Variants in PTPRD observed in about 807,000 individuals in gnomAD.
PTPRD encodes the protein protein tyrosine phosphatase receptor type D, also known as receptor-type tyrosine-protein phosphatase delta.
PTPRD carries 34 observed loss-of-function variants against 214.5 expected under a neutral mutation model. The observed-to-expected ratio is 0.16, with a 90% CI of 0.12 to 0.21. The LOEUF is 0.21. PTPRD is among the 10% of genes least tolerant of loss of function. The pLI is 1.00. For synonymous variants in PTPRD, 1,128 were observed against 845.7 expected, an observed-to-expected ratio of 1.33 and a Z score of -5.79; for missense variants, 2,545 against 2,398.7, an observed-to-expected ratio of 1.06 and a Z score of -1.27.
chr9:9,887,470 T>G (rs1488662181), intron 5 of PTPRD, among the ~76,000 whole-genome samples: 1 of 152,148 alleles, frequency 6.6e-6, no homozygotes, highest in East Asian at 1.9e-4. Context: ...GCATAATACT[T>G]GTGTAGGACC....
At chr9:9,664,137 T>C (rs1312045424) in intron 7 of PTPRD, among the ~76,000 whole-genome samples, 1 of 146,072 alleles carries the variant, frequency 6.8e-6, no homozygotes, top group Non-Finnish European at 1.5e-5. Flanking sequence ...GAAGAAGAGC[T>C]ATGAGTTACA....
intron 35 of PTPRD, among the ~76,000 whole-genome samples, chr9:8,429,053 T>C (rs2094878125): frequency 1.3e-5 from 2 of 152,210 alleles, no homozygotes; most frequent in East Asian, 3.9e-4. Context: ...AATGCGTCCT[T>C]AGCATGTCAT....
Position 9,163,029 on chromosome 9 carries a change from C to CT in PTPRD, c.-143+20274dup, listed in dbSNP as rs1219839672. Among the ~76,000 whole-genome samples the CT allele has an allele frequency of 2.0e-5, 3 of 152,164 alleles. No individual in the cohort carries two copies. The South Asian group carries it at 6.2e-4, about 32-fold the overall frequency. ...TGTGCCTCCTTCCGCACCAGCTTCT[C>CT]TTTTTTTCCTCTGAACACTCCTTTT... On this transcript the variant is annotated intron_variant, in intron 10 of 45. Transcript: ENST00000381196.
At chr9:8,781,038 C>T (rs147765793) in intron 11 of PTPRD, among the ~76,000 whole-genome samples, 1 of 152,246 alleles carries the variant, frequency 6.6e-6, no homozygotes, top group East Asian at 1.9e-4. Flanking sequence ...ACTGTACTTA[C>T]AAGTACAATT....
chr9:10,265,282 T>G (rs13285525), intron 3 of PTPRD, among the ~76,000 whole-genome samples: 16,976 of 152,160 alleles, frequency 0.11, 1,215 homozygotes, highest in Non-Finnish European at 0.15. Flanking sequence ...AAGTCTGGGC[T>G]AGCCTGTACA....
At chr9:8,760,275 A>C (rs2094328380) in intron 11 of PTPRD, among the ~76,000 whole-genome samples, 1 of 152,142 alleles carries the variant, frequency 6.6e-6, no homozygotes, top group African/African-American at 2.4e-5. Flanking sequence ...ACACACAAAT[A>C]ATTTTATTTC....
chr9:9,698,131 T>C (rs949327674), intron 7 of PTPRD, among the ~76,000 whole-genome samples: 2 of 152,180 alleles, frequency 1.3e-5, no homozygotes, highest in Admixed American at 6.5e-5. Flanking sequence ...ACCATCTTAT[T>C]AGGGTCTTTC....
intron 2 of PTPRD, among the ~76,000 whole-genome samples, chr9:10,377,447 C>G (rs10809080): frequency 5.3e-5 from 8 of 151,806 alleles, no homozygotes; most frequent in Non-Finnish European, 8.8e-5. Flanking sequence ...CCTCTCCCCC[C>G]ACCCCACAAC....
intron 44 of PTPRD, among the ~76,000 whole-genome samples, chr9:8,325,936 C>G (rs948341344): frequency 6.6e-6 from 1 of 152,112 alleles, no homozygotes; most frequent in Non-Finnish European, 1.5e-5. Flanking sequence ...TGAGACTTTC[C>G]TGAAGTTGCT....
intron 39 of PTPRD, among the ~76,000 whole-genome samples, chr9:8,349,271 A>C (rs1006374799): frequency 3.6e-4 from 55 of 152,290 alleles, no homozygotes; most frequent in Admixed American, 3.2e-3. Flanking sequence ...TTTTTCCTTA[A>C]GAAATTGAAT....
intron 43 of PTPRD, among the ~76,000 whole-genome samples, chr9:8,333,515 G>C (rs1197433804): frequency 6.6e-6 from 1 of 152,134 alleles, no homozygotes; most frequent in Non-Finnish European, 1.5e-5. Flanking sequence ...GAGAGATTAT[G>C]TCACCACCAG....
At chr9:9,323,264 T>C (rs1260630864) in intron 9 of PTPRD, among the ~76,000 whole-genome samples, 1 of 152,118 alleles carries the variant, frequency 6.6e-6, no homozygotes, top group Non-Finnish European at 1.5e-5. Context: ...AAGACAAGAC[T>C]TCATATGATT....
chr9:8,968,526 T>C (rs1176390094), intron 11 of PTPRD, among the ~76,000 whole-genome samples: 1 of 152,042 alleles, frequency 6.6e-6, no homozygotes, highest in Admixed American at 6.6e-5. Flanking sequence ...CATTTTTTCA[T>C]GTGTCAGGCA....
At chr9:9,016,386 T>C (rs2099535345) in intron 11 of PTPRD, among the ~76,000 whole-genome samples, 1 of 152,170 alleles carries the variant, frequency 6.6e-6, no homozygotes, top group South Asian at 2.1e-4. Flanking sequence ...TCTCTTTGTG[T>C]TACCTCAGTT....
At chr9:8,543,801 C>G (rs1012624618) in intron 14 of PTPRD, among the ~76,000 whole-genome samples, 9 of 152,096 alleles carry the variant, frequency 5.9e-5, no homozygotes, top group African/African-American at 2.2e-4. Flanking sequence ...CAACCTCTGC[C>G]TCCTGGGTTC....
chr9:10,330,914 T>C (rs2096737486), intron 3 of PTPRD, among the ~76,000 whole-genome samples: 1 of 151,854 alleles, frequency 6.6e-6, no homozygotes, highest in Non-Finnish European at 1.5e-5. Context: ...AGGTCATCTA[T>C]ACCATCAATA....
chr9:10,281,290 G>A (rs552462394), intron 3 of PTPRD, among the ~76,000 whole-genome samples: 7 of 152,154 alleles, frequency 4.6e-5, no homozygotes, highest in East Asian at 3.9e-4. Flanking sequence ...GCATAATGTA[G>A]ATACCAAAAA....
At chr9:10,304,855 G>A (rs945193220) in intron 3 of PTPRD, among the ~76,000 whole-genome samples, 2 of 152,112 alleles carry the variant, frequency 1.3e-5, no homozygotes, top group Non-Finnish European at 1.5e-5. Context: ...TAGATTCAAT[G>A]CTATTTCCGT....
intron 9 of PTPRD, among the ~76,000 whole-genome samples, chr9:9,196,396 A>G (rs2099938648): frequency 6.6e-6 from 1 of 152,176 alleles, no homozygotes; most frequent in Admixed American, 6.6e-5. Flanking sequence ...GAAATGAACA[A>G]CACAGTATCT....
Sources: allele counts gnomAD v4.1 joint callset (sites outside exome capture counted in the v4.1 genomes callset), GRCh38; gene constraint gnomAD v4.1.1; transcripts MANE v1.5; gene names NCBI Gene and HGNC (gene_info 2026-07-23, HGNC 2026-07-21).